Variants in ASAP1 observed in about 807,000 individuals in gnomAD.
ASAP1 encodes the protein ArfGAP with SH3 domain, ankyrin repeat and PH domain 1.
Under a neutral mutation model 145.2 loss-of-function variants are expected in ASAP1, and 43 were observed. The ratio of observed to expected loss-of-function variants is 0.30; its 90% CI spans 0.23 to 0.38. The LOEUF is 0.38. ASAP1 is among the 10% of genes least tolerant of loss of function. ASAP1 has a pLI of 1.00. For missense variants in ASAP1, 1,018 were observed against 1,355.3 expected (o/e 0.75, Z 3.91); for synonymous variants, 546 against 515.5 (o/e 1.06, Z -0.80).
chr8:130,362,675 T>C (rs1826774016), intron 2 of ASAP1, among the ~76,000 whole-genome samples: 1 of 152,140 alleles, frequency 6.6e-6, no homozygotes, highest in African/African-American at 2.4e-5. Flanking sequence ...ATTCCCGAAG[T>C]CTGGGATCTC....
chr8:130,423,226 C>A (rs1454625286), intron 1 of ASAP1, among the ~76,000 whole-genome samples: 1 of 152,142 alleles, frequency 6.6e-6, no homozygotes, highest in Admixed American at 6.5e-5. Context: ...GCATCAGCCA[C>A]CTGCATAGCT....
At chr8:130,310,085 A>G (rs1487419233) in intron 3 of ASAP1, among the ~76,000 whole-genome samples, 1 of 114,162 alleles carries the variant, frequency 8.8e-6, no homozygotes, top group Non-Finnish European at 1.6e-5. Context: ...CTTGCCTATG[A>G]TTTCTTTGTC....
chr8:130,118,555 T>G lies in ASAP1; in HGVS notation c.1728A>C (p.Leu576Phe). 6.2e-7 allele frequency: 1 copy of G among 1,614,178 alleles called. No individual in the cohort carries two copies. ...ELLEAIKSRD[L>F]LALIQVYAEG... Reference sequence around the variant, plus strand: ...CTGCATAGACTTGAATTAGTGCAAGTAAATCCCTGGATTTGATGGCCTCAA... The same window carrying G: ...CTGCATAGACTTGAATTAGTGCAAGGAAATCCCTGGATTTGATGGCCTCAA... The change falls in exon 19 of 30, where the codon TTA (leucine) becomes TTC (phenylalanine). Residue 576 changes from leucine to phenylalanine, a missense_variant. Leu to Phe is a conservative substitution (Grantham distance 22). Transcript: ENST00000518721.
At chr8:130,357,971 G>A in intron 3 of ASAP1, 46 bp downstream of exon 3, 1 of 1,565,294 alleles carries the variant, frequency 6.4e-7, no homozygotes, top group Non-Finnish European at 8.6e-7. Context: ...CCAGCTGCGC[G>A]GCGGCAGCGG....
In ASAP1 at chr8:130,224,372, T is replaced by C. The variant is rs115284631; in HGVS notation, c.260-9671A>G. Among the ~76,000 whole-genome samples, 504 of 152,308 alleles carry C rather than the reference T, an allele frequency of 3.3e-3. 3 individuals are homozygous for C. Among genetic ancestry groups the C allele is most frequent in the African/African-American group, 8.9e-3 (369 of 41,574 alleles). ...TGTAGCACTAATCACACTTATAAAA[T>C]ATTTAATTCTATTTGTTTTTAAAAT... On this transcript the variant is annotated intron_variant, in intron 4 of 29. Coordinates refer to ENST00000518721, the MANE Select transcript of ASAP1 (RefSeq NM_018482.4).
chr8:130,065,493 G>C (rs2097428791), intron 27 of ASAP1, among the ~76,000 whole-genome samples: 1 of 152,164 alleles, frequency 6.6e-6, no homozygotes, highest in Non-Finnish European at 1.5e-5. Context: ...TCCTGCCTTG[G>C]GGTACATAAA....
Position 130,060,734 on chromosome 8 carries a change from G to T in ASAP1, c.3037C>A (p.Gln1013Lys). 6.2e-7 allele frequency: 1 copy of T among 1,614,158 alleles called. No homozygotes were observed. Among genetic ancestry groups the T allele is most frequent in the Non-Finnish European group, 8.5e-7 (1 of 1,180,034 alleles). Residue 1013 changes from glutamine to lysine, a missense_variant, in exon 28 of 30, where the codon CAA becomes AAA. Around this residue, in one of 9 missense-constraint regions of ASAP1, gnomAD observed 139 missense variants for 131.0 expected, o/e 1.06. Transcript: ENST00000518721. ...GACTTCAGTGTGACCTCAGAGGGTT[G>T]CTGAGCCTTGGGTGAGACATCTCCA... ...QTGDVSPKAQ[Q>K]PSEVTLKSHP...
At chr8:130,111,510 A>G (rs1251275477) in intron 24 of ASAP1, among the ~76,000 whole-genome samples, 1 of 152,232 alleles carries the variant, frequency 6.6e-6, no homozygotes. Context: ...CCTAATTCAC[A>G]TGATGCCAGT....
intron 8 of ASAP1, among the ~76,000 whole-genome samples, chr8:130,180,443 A>G (rs1460115926): frequency 6.6e-6 from 1 of 152,226 alleles, no homozygotes; most frequent in Non-Finnish European, 1.5e-5. Flanking sequence ...AAAACTTAAT[A>G]TTCACCAGTG....
chr8:130,206,508 A>C (rs1007155550), intron 5 of ASAP1, among the ~76,000 whole-genome samples: 2 of 152,166 alleles, frequency 1.3e-5, no homozygotes, highest in African/African-American at 4.8e-5. Context: ...CAGAGATTGC[A>C]AACAGGAAAT....
At chr8:130,222,046 C>T (rs1197283867) in intron 4 of ASAP1, among the ~76,000 whole-genome samples, 1 of 152,200 alleles carries the variant, frequency 6.6e-6, no homozygotes, top group East Asian at 1.9e-4. Flanking sequence ...TGGAGCCAGC[C>T]TTTTACCCCG....
Position 130,091,992 on chromosome 8 carries a change from G to C in ASAP1, c.2553C>G (p.Asn851Lys), listed in dbSNP as rs2097506532. ...PPSPLPHGPP[N>K]KGAVPWGNDG... ...ACTTACCCCAAGGAACTGCGCCTTTGTTTGGGGGCCCATGAGGTAGTGGGC... is the reference window on the plus strand; with the variant it reads ...ACTTACCCCAAGGAACTGCGCCTTTCTTTGGGGGCCCATGAGGTAGTGGGC... Residue 851 changes from asparagine to lysine, a missense_variant, in exon 25 of 30, where the codon AAC becomes AAG. Coordinates refer to ENST00000518721, the MANE Select transcript of ASAP1 (RefSeq NM_018482.4). 1.3e-6 allele frequency: 2 copies of C among 1,560,292 alleles called. No individual in the cohort carries two copies. Among genetic ancestry groups the C allele is most frequent in the South Asian group, 2.4e-5 (2 of 84,488 alleles).
In ASAP1 at chr8:130,112,270, G is replaced by T. The variant is rs1409054961; in HGVS notation, c.2225C>A (p.Ser742Tyr). The T allele has an allele frequency of 3.1e-5, 50 of 1,614,086 alleles. No homozygotes were observed. Among genetic ancestry groups the T allele is most frequent in the Non-Finnish European group, 4.2e-5 (50 of 1,180,040 alleles). ...CTTGTCCTGGGGGGAGATGCTGGAG[G>T]AGTGGCAGAAGCTCTGAGGTCTGGG... ...RSPRPQSFCH[S>Y]SSISPQDKLA... The change falls in exon 24 of 30, where the codon TCC (serine) becomes TAC (tyrosine). Residue 742 changes from serine to tyrosine, a missense_variant. Coordinates refer to ENST00000518721, the MANE Select transcript of ASAP1 (RefSeq NM_018482.4).
intron 3 of ASAP1, among the ~76,000 whole-genome samples, chr8:130,273,568 T>G (rs1313160289): frequency 1.3e-5 from 2 of 152,178 alleles, no homozygotes; most frequent in African/African-American, 4.8e-5. Flanking sequence ...GGAGCTTGTA[T>G]TAAGGAGGAG....
At chr8:130,256,003 C>T (rs890546763) in intron 3 of ASAP1, among the ~76,000 whole-genome samples, 3 of 152,134 alleles carry the variant, frequency 2.0e-5, no homozygotes, top group Admixed American at 1.3e-4. Context: ...ACAAAGCTCC[C>T]TCAGGACGGC....
Position 130,118,573 on chromosome 8 carries a change from G to T in ASAP1, c.1710C>A (p.Ala570=), listed in dbSNP as rs1265051091. Residue 570 remains alanine (A), a synonymous_variant, in exon 19 of 30, where the codon GCC becomes GCA. Coordinates refer to ENST00000518721, the MANE Select transcript of ASAP1 (RefSeq NM_018482.4). ...GTGCAAGTAAATCCCTGGATTTGAT[G>T]GCCTCAAGCAATTCATTTAGTTTAG... ...SSAKLNELLE[A]IKSRDLLALI... is the part of the protein sequence containing the mutation. 1.2e-6 allele frequency: 2 copies of T among 1,613,932 alleles called. No homozygotes were observed. Among genetic ancestry groups the T allele is most frequent in the Non-Finnish European group, 1.7e-6 (2 of 1,179,960 alleles).
At chr8:130,312,277 TAAAA>T (rs10602064) in intron 3 of ASAP1, among the ~76,000 whole-genome samples, 2 of 136,416 alleles carry the variant, frequency 1.5e-5, no homozygotes, top group African/African-American at 2.7e-5. Flanking sequence ...ACCCTGTCTT[TAAAA>T]AAAAAAAAAA....
chr8:130,331,850 C>T (rs761263992), intron 3 of ASAP1, among the ~76,000 whole-genome samples: 2 of 152,106 alleles, frequency 1.3e-5, no homozygotes, highest in Non-Finnish European at 2.9e-5. Flanking sequence ...GGAGAATGAT[C>T]AGAATCCACA....
intron 3 of ASAP1, among the ~76,000 whole-genome samples, chr8:130,269,466 A>G (rs1273775898): frequency 6.6e-6 from 1 of 152,248 alleles, no homozygotes; most frequent in Non-Finnish European, 1.5e-5. Context: ...ACATGCTCAC[A>G]GGGTCAACAG....
Sources: gnomAD v4.1 joint callset for allele counts (sites outside exome capture counted in the v4.1 genomes callset) on GRCh38, gnomAD v4.1.1 for gene constraint, gnomAD v4.1.1 regional missense constraint, MANE v1.5 for transcripts, NCBI Gene and HGNC (gene_info 2026-07-23, HGNC 2026-07-21) for gene names.